The following GALNT3 variants were observed in gnomAD, a reference collection of about 807,000 sequenced individuals.
The protein encoded by GALNT3 is polypeptide N-acetylgalactosaminyltransferase 3, also known as GalNAc transferase 3.
In GALNT3, 51 loss-of-function variants were observed where a neutral mutation model predicts 69.8. That is an observed-to-expected ratio of 0.73 (90% CI 0.58 to 0.92). GALNT3 has a LOEUF of 0.92. Ranked by LOEUF, GALNT3 falls within the 40% of genes least tolerant of loss-of-function variation. The pLI, the probability that GALNT3 is intolerant of heterozygous loss-of-function variation, is 0.00. For synonymous variants in GALNT3, 265 were observed against 248.5 expected, an observed-to-expected ratio of 1.07 and a Z score of -0.63; for missense variants, 711 against 760.0, an observed-to-expected ratio of 0.94 and a Z score of 0.76.
upstream of GALNT3, chr2:165,794,668 C>A (rs1428397584): frequency 6.6e-6 from 1 of 152,292 alleles, no homozygotes; most frequent in African/African-American, 2.4e-5. Context: ...GTGGTTTCTT[C>A]GGGCAGGGTT....
intron 1 of GALNT3, among the ~76,000 whole-genome samples, chr2:165,778,961 G>C (rs2105223499): frequency 6.6e-6 from 1 of 152,110 alleles, no homozygotes; most frequent in South Asian, 2.1e-4. Flanking sequence ...TCTGAGGAGA[G>C]AGTTTGGGGA....
At chr2:165,774,592 A>G (rs1688812326) in intron 1 of GALNT3, among the ~76,000 whole-genome samples, 1 of 152,184 alleles carries the variant, frequency 6.6e-6, no homozygotes. Context: ...ATCTATGTAA[A>G]GACCCATTCA....
chr2:165,760,483 C>T (rs541162062), intron 4 of GALNT3, among the ~76,000 whole-genome samples: 11 of 152,198 alleles, frequency 7.2e-5, no homozygotes, highest in African/African-American at 2.2e-4. Flanking sequence ...AGTCATGGTC[C>T]GGGAGGACCG....
chr2:165,785,057 A>C (rs1178487522), intron 1 of GALNT3, among the ~76,000 whole-genome samples: 2 of 152,148 alleles, frequency 1.3e-5, no homozygotes, highest in Non-Finnish European at 2.9e-5. Flanking sequence ...TTACTACTGT[A>C]GTCTCTATAA....
In GALNT3 at chr2:165,770,427, C is replaced by A; in HGVS notation, c.274G>T (p.Ala92Ser). 6.2e-7 allele frequency: 1 copy of A among 1,614,230 alleles called. No individual in the cohort carries two copies. The highest frequency in any genetic ancestry group is 8.5e-7 in the Non-Finnish European group (1 of 1,180,038). Residue 92 changes from alanine to serine, a missense_variant, in exon 2 of 11, where the codon GCT becomes TCT. By Grantham distance (99) the Ala-to-Ser change is moderately conservative. Coordinates refer to ENST00000392701, the MANE Select transcript of GALNT3 (RefSeq NM_004482.4). ...CCTTGCAAACAAGGTCTCTCACCAG[C>A]ATCAATGTTTTGCCTGACAGGTGCT... is the stretch of plus-strand genomic sequence containing the variant. ...IGAPVRQNID[A>S]GERPCLQGYY...
chr2:165,791,619 T>C (rs1450201783), intron 1 of GALNT3, among the ~76,000 whole-genome samples: 1 of 152,122 alleles, frequency 6.6e-6, no homozygotes, highest in Non-Finnish European at 1.5e-5. Context: ...GAAGTGTGCT[T>C]GAAATAAAAA....
intron 1 of GALNT3, among the ~76,000 whole-genome samples, chr2:165,787,410 T>C (rs1449629412): frequency 6.6e-6 from 1 of 152,172 alleles, no homozygotes; most frequent in Non-Finnish European, 1.5e-5. Flanking sequence ...GTTAAGGAGT[T>C]TGCCTTATCT....
At chr2:165,770,123 C>T (rs747397031) in intron 2 of GALNT3, 63 bp downstream of exon 2, 3 of 1,588,748 alleles carry the variant, frequency 1.9e-6, no homozygotes, top group African/African-American at 2.7e-5. Context: ...TTCCTTAGCT[C>T]ACCCCTCTCT....
chr2:165,750,112 G>A (rs1203422510), intron 9 of GALNT3, among the ~76,000 whole-genome samples: 1 of 152,078 alleles, frequency 6.6e-6, no homozygotes, highest in Non-Finnish European at 1.5e-5. Context: ...ACAAGGTGCT[G>A]TCTTCCTCCC....
chr2:165,787,127 C>T (rs1443307363), intron 1 of GALNT3, among the ~76,000 whole-genome samples: 1 of 152,182 alleles, frequency 6.6e-6, no homozygotes, highest in African/African-American at 2.4e-5. Flanking sequence ...TTCACTCTAA[C>T]CCATAGTTAG....
intron 1 of GALNT3, among the ~76,000 whole-genome samples, chr2:165,784,777 G>A (rs1429021878): frequency 1.3e-5 from 2 of 152,084 alleles, no homozygotes; most frequent in Admixed American, 6.6e-5. Context: ...ACTAACAGAG[G>A]CAATGATAGA....
At chr2:165,758,896 TA>T in intron 5 of GALNT3, 32 bp from the exon 6 acceptor site, 4 of 1,308,668 alleles carry the variant, frequency 3.1e-6, no homozygotes, top group Non-Finnish European at 4.4e-6. Flanking sequence ...AATTTTGTTA[TA>T]AAAACTAAAC....
upstream of GALNT3, chr2:165,794,463 C>T (rs956446042): frequency 3.3e-5 from 5 of 152,442 alleles, no homozygotes; most frequent in Admixed American, 2.0e-4. Flanking sequence ...CCCGGCCCAT[C>T]TACATTGGAG....
chr2:165,765,317 T>G (rs1403076080), intron 2 of GALNT3, among the ~76,000 whole-genome samples: 1 of 152,176 alleles, frequency 6.6e-6, no homozygotes, highest in Non-Finnish European at 1.5e-5. Context: ...TATAGCTTTC[T>G]CAACAATGTA....
chr2:165,754,549 GA>G, intron 9 of GALNT3, 77 bp downstream of exon 9: 1 of 1,016,518 alleles, frequency 9.8e-7, no homozygotes, highest in Non-Finnish European at 1.5e-6. Context: ...GCTGCTGTGG[GA>G]CTTCTGAAAA....
chr2:165,781,129 G>T (rs1467560640), intron 1 of GALNT3, among the ~76,000 whole-genome samples: 2 of 152,168 alleles, frequency 1.3e-5, no homozygotes, highest in East Asian at 3.9e-4. Flanking sequence ...GATACCAAGA[G>T]AGTCGTTGAG....
At chr2:165,760,825 A>T (rs989481233) in intron 4 of GALNT3, among the ~76,000 whole-genome samples, 2 of 152,196 alleles carry the variant, frequency 1.3e-5, no homozygotes, top group African/African-American at 4.8e-5. Context: ...TCAGAGCTCA[A>T]GGGACAAAAT....
At chr2:165,761,244 C>T (rs887162376) in intron 4 of GALNT3, among the ~76,000 whole-genome samples, 3 of 152,116 alleles carry the variant, frequency 2.0e-5, no homozygotes, top group East Asian at 3.9e-4. Context: ...CGGAGTGTCA[C>T]TCTGCTGCCC....
chr2:165,761,791 C>A (rs138707955), intron 4 of GALNT3, 114 bp downstream of exon 4: 3 of 1,159,498 alleles, frequency 2.6e-6, no homozygotes, highest in East Asian at 2.4e-5. Context: ...CAGTTGAAAA[C>A]GCTGTTAAAG....
Sources: gnomAD v4.1 joint callset for allele counts (sites outside exome capture counted in the v4.1 genomes callset) on GRCh38, gnomAD v4.1.1 for gene constraint, MANE v1.5 for transcripts, NCBI Gene and HGNC (gene_info 2026-07-23, HGNC 2026-07-21) for gene names.